Variants in SPAG16 observed in about 807,000 individuals in gnomAD.
SPAG16 encodes the protein sperm associated antigen 16.
SPAG16 carries 86 observed loss-of-function variants against 80.4 expected under a neutral mutation model. The observed-to-expected ratio is 1.07, with a 90% CI of 0.90 to 1.28. The LOEUF is 1.28. Among genes scored for constraint, SPAG16 ranks in the 50% most tolerant of loss-of-function variants. SPAG16 has a pLI of 0.00. For synonymous variants in SPAG16, 294 were observed against 265.9 expected (o/e 1.11, Z -1.03); for missense variants, 870 against 765.3 (o/e 1.14, Z -1.61).
intron 11 of SPAG16, among the ~76,000 whole-genome samples, chr2:213,887,338 CGTTTT>C (rs563437966): frequency 2.0e-5 from 3 of 151,714 alleles, no homozygotes; most frequent in Non-Finnish European, 2.9e-5. Flanking sequence ...ATTGTTTTTT[CGTTTT>C]GTTTTGTTTT....
intron 13 of SPAG16, among the ~76,000 whole-genome samples, chr2:214,072,749 C>A (rs1176650413): frequency 6.6e-6 from 1 of 151,900 alleles, no homozygotes; most frequent in Non-Finnish European, 1.5e-5. Flanking sequence ...AAGTAGAAGA[C>A]AATATATTTT....
chr2:213,398,353 G>A (rs910574620), intron 9 of SPAG16, among the ~76,000 whole-genome samples: 6 of 152,022 alleles, frequency 3.9e-5, no homozygotes, highest in South Asian at 2.1e-4. Context: ...CCATCTTACT[G>A]AGTTACAGGT....
chr2:214,386,134 G>A (rs1700736755), intron 15 of SPAG16, among the ~76,000 whole-genome samples: 1 of 152,202 alleles, frequency 6.6e-6, no homozygotes, highest in Admixed American at 6.5e-5. Context: ...TAGCACTTCG[G>A]GAGGCTGAGG....
At chr2:213,950,621 C>G (rs78225597) in intron 12 of SPAG16, among the ~76,000 whole-genome samples, 21,907 of 151,068 alleles carry the variant, frequency 0.15, 2,020 homozygotes, top group Non-Finnish European at 0.21. Flanking sequence ...TTGCTTGCTT[C>G]CTTCCTTCCT....
intron 9 of SPAG16, among the ~76,000 whole-genome samples, chr2:213,383,628 G>C (rs969683200): frequency 6.6e-6 from 1 of 152,072 alleles, no homozygotes; most frequent in African/African-American, 2.4e-5. Context: ...TATTCTCCTG[G>C]CATTCCAAAC....
In SPAG16 at chr2:214,409,628, T is replaced by TGTTGA. The variant is rs1405252598; in HGVS notation, c.1721-508_1721-504dup. ...TTTCCACTTCAGCTTCAAAAAAATT[T>TGTTGA]GTTGAGTTCATGAGTATCACAATTT... is the stretch of plus-strand genomic sequence containing the variant. On this transcript the variant is annotated intron_variant, in intron 15 of 15. Transcript: ENST00000331683. Among the ~76,000 whole-genome samples, 3 of 152,192 alleles carry TGTTGA rather than the reference T, an allele frequency of 2.0e-5. No individual in the cohort carries two copies. The East Asian group carries it at 5.8e-4, about 29-fold the overall frequency.
At chr2:213,876,809 T>C (rs183897529) in intron 11 of SPAG16, among the ~76,000 whole-genome samples, 51 of 152,304 alleles carry the variant, frequency 3.3e-4, no homozygotes, top group Admixed American at 1.3e-3. Flanking sequence ...TGTCTCTCCA[T>C]AATTTCAGTA....
intron 9 of SPAG16, among the ~76,000 whole-genome samples, chr2:213,378,364 C>A (rs1319683977): frequency 6.6e-6 from 1 of 152,192 alleles, no homozygotes; most frequent in Non-Finnish European, 1.5e-5. Context: ...TGAACCCATA[C>A]ATATCTGCTG....
chr2:214,133,824 A>C (rs1345332007), intron 14 of SPAG16, among the ~76,000 whole-genome samples: 1 of 152,120 alleles, frequency 6.6e-6, no homozygotes, highest in African/African-American at 2.4e-5. Flanking sequence ...AGAGATGGAG[A>C]ATGGGATAAA....
intron 4 of SPAG16, among the ~76,000 whole-genome samples, chr2:213,314,880 A>G (rs1416815837): frequency 6.6e-6 from 1 of 151,786 alleles, no homozygotes; most frequent in Admixed American, 6.6e-5. Flanking sequence ...ATTGATACCT[A>G]TTTCCTGTTT....
chr2:213,646,751 T>C (rs2062838164), intron 10 of SPAG16, among the ~76,000 whole-genome samples: 1 of 152,216 alleles, frequency 6.6e-6, no homozygotes, highest in Non-Finnish European at 1.5e-5. Context: ...TGAAGTAATT[T>C]TGGCTGTAGA....
At chr2:213,392,651 C>T (rs976145099) in intron 9 of SPAG16, among the ~76,000 whole-genome samples, 4 of 152,010 alleles carry the variant, frequency 2.6e-5, no homozygotes, top group African/African-American at 9.7e-5. Flanking sequence ...TCAAGAATAG[C>T]CTGGCCAACA....
chr2:213,329,587 C>T (rs958139476), intron 5 of SPAG16, among the ~76,000 whole-genome samples: 20 of 152,162 alleles, frequency 1.3e-4, no homozygotes, highest in African/African-American at 4.8e-4. Context: ...TAAAGGCATT[C>T]AGTTTCAAAA....
chr2:213,472,294 AC>A (rs2073122623), intron 9 of SPAG16, among the ~76,000 whole-genome samples: 1 of 152,092 alleles, frequency 6.6e-6, no homozygotes, highest in Non-Finnish European at 1.5e-5. Context: ...CATACCAGAT[AC>A]CAGGAGATGT....
intron 11 of SPAG16, among the ~76,000 whole-genome samples, chr2:213,894,224 C>T (rs902895871): frequency 6.6e-6 from 1 of 152,074 alleles, no homozygotes; most frequent in Non-Finnish European, 1.5e-5. Context: ...GTCAAGAACA[C>T]ATTAAAAAGA....
chr2:214,040,222 C>T (rs2048934683), intron 13 of SPAG16, among the ~76,000 whole-genome samples: 1 of 152,172 alleles, frequency 6.6e-6, no homozygotes, highest in Non-Finnish European at 1.5e-5. Context: ...CTCTATCCTC[C>T]TAGCCTGGTG....
At chr2:213,772,932 G>C (rs543715265) in intron 10 of SPAG16, among the ~76,000 whole-genome samples, 1 of 151,288 alleles carries the variant, frequency 6.6e-6, no homozygotes, top group Admixed American at 6.6e-5. Flanking sequence ...TCATTAAATT[G>C]GTCCCTAATA....
At chr2:213,518,029 T>A (rs566630233) in intron 10 of SPAG16, among the ~76,000 whole-genome samples, 1 of 152,236 alleles carries the variant, frequency 6.6e-6, no homozygotes, top group South Asian at 2.1e-4. Context: ...CCCTACAGAA[T>A]GGGAGCAAAT....
At chr2:213,574,097 A>G (rs1277113070) in intron 10 of SPAG16, among the ~76,000 whole-genome samples, 1 of 152,228 alleles carries the variant, frequency 6.6e-6, no homozygotes, top group African/African-American at 2.4e-5. Flanking sequence ...GTTTATTTTT[A>G]TCCAGTAAAA....
Sources: gnomAD v4.1 joint callset for allele counts (sites outside exome capture counted in the v4.1 genomes callset) on GRCh38, gnomAD v4.1.1 for gene constraint, MANE v1.5 for transcripts, NCBI Gene and HGNC (gene_info 2026-07-23, HGNC 2026-07-21) for gene names.